Variants in UBQLN1 observed in about 807,000 individuals in gnomAD.
UBQLN1 encodes the protein ubiquilin-1.
Under a neutral mutation model 65.4 loss-of-function variants are expected in UBQLN1, and 13 were observed. The ratio of observed to expected loss-of-function variants is 0.20; its 90% CI spans 0.13 to 0.32. The LOEUF (loss-of-function observed/expected upper bound fraction) is 0.32. Ranked by LOEUF, UBQLN1 falls within the 10% of genes least tolerant of loss-of-function variation. The probability of loss-of-function intolerance (pLI) is 1.00; values close to 1 mark genes in which losing one functional copy is unlikely to be tolerated. For synonymous variants in UBQLN1, 267 were observed against 247.8 expected (o/e 1.08, Z -0.73); for missense variants, 561 against 724.0 (o/e 0.77, Z 2.58).
At chr9:83,672,259 A>C (rs1375787822) in intron 6 of UBQLN1, among the ~76,000 whole-genome samples, 1 of 152,206 alleles carries the variant, frequency 6.6e-6, no homozygotes, top group East Asian at 1.9e-4. Flanking sequence ...TCATGTCTTC[A>C]CTGGAGTAGC....
chr9:83,695,694 G>C (rs1386908644), intron 1 of UBQLN1, among the ~76,000 whole-genome samples: 1 of 152,064 alleles, frequency 6.6e-6, no homozygotes, highest in African/African-American at 2.4e-5. Context: ...GCAGACTGTT[G>C]CCATATCTAC....
chr9:83,660,772 T>C lies in UBQLN1; in HGVS notation c.*1015A>G, dbSNP rs768599897. On this transcript the variant is annotated 3_prime_UTR_variant, in exon 11 of 11. Transcript: ENST00000376395. ...TCAGAAACAATTGGCTCACAACTCA[T>C]TTTAAATTTGTGTATTGCCTGTGCA... The C allele has an allele frequency of 7.3e-5, 11 of 150,956 alleles. No individual in the cohort carries two copies. The highest frequency in any genetic ancestry group is 2.2e-4 in the African/African-American group (9 of 40,840). The allele number at this position is 150,956 out of a possible 1,614,324, so 9.4% of individuals were successfully genotyped here.
At chr9:83,704,959 G>T (rs1473252835) in intron 1 of UBQLN1, among the ~76,000 whole-genome samples, 1 of 151,694 alleles carries the variant, frequency 6.6e-6, no homozygotes, top group East Asian at 1.9e-4. Flanking sequence ...TGACTGAAAG[G>T]AATTTTTCTA....
At chr9:83,668,998 A>T in intron 7 of UBQLN1, 187 bp downstream of exon 7, 1 of 604,862 alleles carries the variant, frequency 1.7e-6, no homozygotes, top group Non-Finnish European at 2.6e-6. Flanking sequence ...AAGTTGTTTT[A>T]ATTACATATG....
Position 83,707,790 on chromosome 9 carries a change from G to A in UBQLN1, c.-111C>T. The A allele has an allele frequency of 7.2e-7, 1 of 1,390,996 alleles. No individual in the cohort carries two copies. Among genetic ancestry groups the A allele is most frequent in the Non-Finnish European group, 9.3e-7 (1 of 1,070,932 alleles). The allele number at this position is 1,390,996 out of a possible 1,614,324, so 86.2% of individuals were successfully genotyped here. ...AGGCCTGGACAGCGAAGAATGCAGA[G>A]CACGCCGCCTCAGTAGCAACGGGCG... On this transcript the variant is annotated 5_prime_UTR_variant, in exon 1 of 11. Transcript: ENST00000376395.
rs190528227 is a variant in UBQLN1, at chr9:83,683,169, T to C, written c.333-103A>G. 7.5e-4 allele frequency: 512 copies of C among 678,780 alleles called. 9 individuals carry two copies. In the African/African-American group the frequency reaches 8.4e-3, roughly 11 times the overall value. 42.0% of individuals were successfully genotyped at this position (678,780 alleles called of 1,614,324 possible). A position where few individuals can be genotyped will look rare whatever the true frequency, so the allele number is the denominator to read the frequency against. On this transcript the variant is annotated intron_variant, in intron 2 of 10. Transcript: ENST00000376395. ...GGCTCACGCCTGTAATCCCAGCACT[T>C]TGGGAGGCCGAAGCTGGCTGATCAC...
intron 1 of UBQLN1, among the ~76,000 whole-genome samples, chr9:83,696,420 G>A (rs1466546151): frequency 6.6e-6 from 1 of 151,800 alleles, no homozygotes; most frequent in Non-Finnish European, 1.5e-5. Flanking sequence ...AGCCTGTCTG[G>A]GCAACATGGC....
intron 1 of UBQLN1, among the ~76,000 whole-genome samples, chr9:83,687,267 C>T (rs778746441): frequency 9.2e-5 from 14 of 152,298 alleles, no homozygotes; most frequent in Non-Finnish European, 1.8e-4. Flanking sequence ...GGACCAGACA[C>T]ATAAAACCAG....
At chr9:83,702,973 A>C (rs565667580) in intron 1 of UBQLN1, among the ~76,000 whole-genome samples, 3 of 152,286 alleles carry the variant, frequency 2.0e-5, no homozygotes, top group African/African-American at 7.2e-5. Flanking sequence ...GTACTTCAAA[A>C]TTTTACACAT....
intron 6 of UBQLN1, among the ~76,000 whole-genome samples, chr9:83,670,009 A>T (rs1483109733): frequency 6.6e-6 from 1 of 152,218 alleles, no homozygotes; most frequent in East Asian, 1.9e-4. Flanking sequence ...GGTGGTTGTA[A>T]GAAAATTAAT....
chr9:83,668,440 T>C, intron 7 of UBQLN1: 2 of 985,376 alleles, frequency 2.0e-6, no homozygotes, highest in Non-Finnish European at 2.4e-6. Context: ...ACATTCTCCG[T>C]GGTTTTTCAA....
intron 7 of UBQLN1, chr9:83,668,581 T>C: frequency 2.0e-6 from 2 of 985,508 alleles, no homozygotes; most frequent in Non-Finnish European, 2.4e-6. Context: ...TCCCAAGTGA[T>C]CCTGAGTGTT....
intron 1 of UBQLN1, among the ~76,000 whole-genome samples, chr9:83,696,690 T>C (rs976987862): frequency 2.6e-5 from 4 of 151,282 alleles, no homozygotes; most frequent in Non-Finnish European, 5.9e-5. Context: ...TGCAGATAAA[T>C]ATTTAAAACA....
Position 83,678,479 on chromosome 9 carries a change from C to G in UBQLN1, c.832G>C (p.Asp278His). 1 of 1,613,916 alleles carries G rather than the reference C, an allele frequency of 6.2e-7. No individual in the cohort carries two copies. Among genetic ancestry groups the G allele is most frequent in the Non-Finnish European group, 8.5e-7 (1 of 1,179,904 alleles). The change falls in exon 5 of 11, where the codon GAT becomes CAT. Residue 278 changes from aspartate to histidine, a missense_variant. Around this residue, in one of 8 missense-constraint regions of UBQLN1, gnomAD observed 75 missense variants for 138.9 expected, o/e 0.54. Transcript: ENST00000376395. Reference protein sequence around the residue: ...GYNALRRMYTDIQEPMLSAAQ... With the variant: ...GYNALRRMYTHIQEPMLSAAQ... The stretch of plus-strand genomic sequence containing the variant: ...GCACTCAGCATTGGTTCCTGAATAT[C>G]TGTGTACATGCGCCTTAAAGCATTA...
At chr9:83,667,861 G>C in intron 7 of UBQLN1, 1 of 973,092 alleles carries the variant, frequency 1.0e-6, no homozygotes, top group African/African-American at 1.8e-5. Context: ...CATTGTAAAA[G>C]TTTCTAAATT....
chr9:83,682,099 A>T (rs1430468149), intron 3 of UBQLN1, among the ~76,000 whole-genome samples: 16 of 152,244 alleles, frequency 1.1e-4, no homozygotes, highest in African/African-American at 3.9e-4. Flanking sequence ...CCTGGCTAAT[A>T]TGGTGAAACC....
rs759327611 is a variant in UBQLN1, at chr9:83,677,831, G to A, written c.1001C>T (p.Ala334Val). 29 of 1,614,000 alleles carry A rather than the reference G, an allele frequency of 1.8e-5. No homozygotes were observed. Among genetic ancestry groups the A allele is most frequent in the Non-Finnish European group, 1.8e-5 (21 of 1,180,024 alleles). The part of the protein sequence containing the change: ...WAPQTSQSSS[A>V]SSGTASTVGG... The stretch of plus-strand genomic sequence containing the variant: ...CACAGTGCTGGCAGTGCCGCTGGAA[G>A]CTGATGAACTCTGGGAAGTCTGTGG... The change falls in exon 6 of 11, where the codon GCT becomes GTT. Residue 334 changes from alanine (A) to valine (V), a missense_variant. Coordinates refer to ENST00000376395, the MANE Select transcript of UBQLN1 (RefSeq NM_013438.5).
chr9:83,706,401 GATA>G (rs1170909744), intron 1 of UBQLN1, among the ~76,000 whole-genome samples: 1 of 152,176 alleles, frequency 6.6e-6, no homozygotes, highest in Non-Finnish European at 1.5e-5. Context: ...AAACAAAAGT[GATA>G]ATTCTGTTGG....
rs1168487279 is a variant in UBQLN1 at position 83,683,052 on chromosome 9, G to A, written c.347C>T (p.Ser116Leu). 2 of 1,610,054 alleles carry A rather than the reference G, an allele frequency of 1.2e-6. No homozygotes were observed. The highest frequency in any genetic ancestry group is 2.7e-5 in the African/African-American group (2 of 74,802). Residue 116 changes from serine (S) to leucine (L), a missense_variant, in exon 3 of 11, where the codon TCA becomes TTA. Around this residue, in one of 8 missense-constraint regions of UBQLN1, gnomAD observed 87 missense variants for 88.8 expected, o/e 0.98. Coordinates refer to ENST00000376395, the MANE Select transcript of UBQLN1 (RefSeq NM_013438.5). ...IKTQNRPQDH[S>L]AQQTNTAGSN... ...TCCAGCTGTATTTGTTTGCTGAGCT[G>A]AATGATCCTGAGGCCTAGGGAAAAT...
Sources: gnomAD v4.1 joint callset for allele counts (sites outside exome capture counted in the v4.1 genomes callset) on GRCh38, gnomAD v4.1.1 for gene constraint, gnomAD v4.1.1 regional missense constraint, MANE v1.5 for transcripts, NCBI Gene and HGNC (gene_info 2026-07-23, HGNC 2026-07-21) for gene names.